RIMBP2: variants seen among roughly 807,000 people sequenced by gnomAD.
RIMBP2 encodes RIMS-binding protein 2.
Under a neutral mutation model 118.6 loss-of-function variants are expected in RIMBP2, and 48 were observed. The ratio of observed to expected loss-of-function variants is 0.40; its 90% CI spans 0.32 to 0.51. RIMBP2 has a LOEUF of 0.51. Among genes scored for constraint, RIMBP2 ranks in the 20% least tolerant of loss-of-function variants. The pLI is 0.41. For missense variants in RIMBP2, 1,551 were observed against 1,768.3 expected (o/e 0.88, Z 2.20); for synonymous variants, 762 against 742.9 (o/e 1.03, Z -0.42).
intron 19 of RIMBP2, among the ~76,000 whole-genome samples, chr12:130,410,175 A>C (rs2075596965): frequency 6.6e-6 from 1 of 152,212 alleles, no homozygotes; most frequent in South Asian, 2.1e-4. Flanking sequence ...TTTGCCACCC[A>C]CATATCGTCT....
At chr12:130,668,024 G>A (rs1255327712) in intron 1 of RIMBP2, 4 of 152,176 alleles carry the variant, frequency 2.6e-5, no homozygotes, top group East Asian at 1.9e-4. Context: ...AGGGGGTTGT[G>A]GGAATTCCTC....
At chr12:130,542,509 C>T (rs2054710729) in intron 2 of RIMBP2, among the ~76,000 whole-genome samples, 2 of 152,300 alleles carry the variant, frequency 1.3e-5, no homozygotes, top group South Asian at 2.1e-4. Context: ...AAAAAAGAAA[C>T]AGCCAATCAA....
intron 1 of RIMBP2, among the ~76,000 whole-genome samples, chr12:130,705,521 C>T (rs527316437): frequency 6.6e-6 from 1 of 152,342 alleles, no homozygotes; most frequent in African/African-American, 2.4e-5. Flanking sequence ...CAGGCCCACA[C>T]AGGAGCCCAC....
intron 1 of RIMBP2, among the ~76,000 whole-genome samples, chr12:130,649,520 C>G (rs1384446067): frequency 1.3e-5 from 2 of 152,222 alleles, no homozygotes; most frequent in Non-Finnish European, 2.9e-5. Flanking sequence ...ATGTGCCCCT[C>G]CGCTGAGAAG....
rs746221984 is a variant in RIMBP2 at position 130,458,772 on chromosome 12, C to T, written c.154-2072G>A. ...TGACCTAACTAAAATAGGCCAGGCACGGTGGCTCACGCCTGCAATCCCAGC... is the reference window on the plus strand; with the variant it reads ...TGACCTAACTAAAATAGGCCAGGCATGGTGGCTCACGCCTGCAATCCCAGC... On this transcript the variant is annotated intron_variant, in intron 6 of 22. Coordinates refer to ENST00000690449, the MANE Select transcript of RIMBP2 (RefSeq NM_001393629.1). Among the ~76,000 whole-genome samples, 17 of 152,250 alleles carry T rather than the reference C, an allele frequency of 1.1e-4. No homozygotes were observed. In the East Asian group the frequency reaches 2.9e-3, roughly 26 times the overall value.
rs112955330 is a variant in RIMBP2 at position 130,445,248 on chromosome 12, C to T, written c.603G>A (p.Pro201=). Residue 201 remains proline (P), a synonymous_variant, in exon 10 of 23, where the codon CCG becomes CCA. Transcript: ENST00000690449. ...GCAGCTCAGCTTCGGGGTTCTCGTT[C>T]GGTCCATCGAAGGGGTTGTAACTGC... The part of the protein sequence containing the change: ...ARYSYNPFDG[P]NENPEAELPL... 41 of 1,613,018 alleles carry T rather than the reference C, an allele frequency of 2.5e-5. No homozygotes were observed. The African/African-American group carries it at 3.2e-4, about 13-fold the overall frequency.
intron 17 of RIMBP2, among the ~76,000 whole-genome samples, chr12:130,418,320 A>C (rs553341092): frequency 3.2e-4 from 48 of 152,306 alleles, no homozygotes; most frequent in African/African-American, 1.1e-3. Flanking sequence ...TTGATAGTCC[A>C]TGAAAAAACC....
intron 2 of RIMBP2, among the ~76,000 whole-genome samples, chr12:130,558,684 G>T (rs977251849): frequency 4.6e-5 from 7 of 152,174 alleles, no homozygotes; most frequent in Non-Finnish European, 2.9e-5. Flanking sequence ...AGGCCAGGCG[G>T]CCCCCTTGAG....
chr12:130,572,600 G>A (rs893108056), intron 2 of RIMBP2, among the ~76,000 whole-genome samples: 2 of 151,990 alleles, frequency 1.3e-5, no homozygotes, highest in Non-Finnish European at 2.9e-5. Flanking sequence ...ATGTGACACC[G>A]ATTTCCACAG....
At chr12:130,516,022 T>C (rs917134334) in intron 3 of RIMBP2, among the ~76,000 whole-genome samples, 1 of 152,172 alleles carries the variant, frequency 6.6e-6, no homozygotes, top group African/African-American at 2.4e-5. Flanking sequence ...TATACCAGGA[T>C]TGGGATTGCT....
intron 21 of RIMBP2, among the ~76,000 whole-genome samples, chr12:130,405,343 G>A (rs886239652): frequency 1.6e-4 from 24 of 152,134 alleles, no homozygotes; most frequent in East Asian, 1.9e-4. Flanking sequence ...ACATGCCTGC[G>A]GCTGTAGCAT....
In RIMBP2 at chr12:130,523,992, C is replaced by T. The variant is rs1466661402; in HGVS notation, c.-216-6075G>A. Among the ~76,000 whole-genome samples, 1 of 152,154 alleles carries T rather than the reference C, an allele frequency of 6.6e-6. No homozygotes were observed. Among genetic ancestry groups the T allele is most frequent in the Non-Finnish European group, 1.5e-5 (1 of 68,032 alleles). ...GGTATCCACGCTACAGGATTCAAAA[C>T]CATGAACATCCAATCTCCTGGCCAC... On this transcript the variant is annotated intron_variant, in intron 2 of 22. Coordinates refer to ENST00000690449, the MANE Select transcript of RIMBP2 (RefSeq NM_001393629.1). This position sits in a 1 kb window ranked among gnomAD's most constrained non-coding sequence, Gnocchi z 4.4.
In RIMBP2 at chr12:130,578,293, C is replaced by T. The variant is rs2058227546; in HGVS notation, c.-217+50029G>A. 6.6e-6 allele frequency among the ~76,000 whole-genome samples: 1 copy of T among 152,230 alleles called. No individual in the cohort carries two copies. On this transcript the variant is annotated intron_variant, in intron 2 of 22. Transcript: ENST00000690449. The surrounding 1 kb of genome is among the most constrained non-coding windows in gnomAD (Gnocchi z 4.1). ...CTACTGGCCTCTGGTCTACCCAATG[C>T]CTTCTGCCCCGTTTCCAGAATCATC...
intron 2 of RIMBP2, among the ~76,000 whole-genome samples, chr12:130,572,961 G>A (rs915110624): frequency 6.6e-6 from 1 of 152,110 alleles, no homozygotes; most frequent in African/African-American, 2.4e-5. Flanking sequence ...TTCCCCCCGG[G>A]GGGACAGAGC....
At chr12:130,417,359 T>C (rs1416265445) in intron 17 of RIMBP2, among the ~76,000 whole-genome samples, 2 of 152,102 alleles carry the variant, frequency 1.3e-5, no homozygotes, top group African/African-American at 2.4e-5. Context: ...CAACAGTGGA[T>C]TGAATAAAGA....
At position 130,646,441 on chromosome 12, in the gene RIMBP2, T is replaced by TCCCTCACCGCCTCCCTC. The variant is rs1566423615; in HGVS notation, c.-351-17986_-351-17985insGAGGGAGGCGGTGAGGG. 1.5e-3 allele frequency among the ~76,000 whole-genome samples: 5 copies of TCCCTCACCGCCTCCCTC among 3,400 alleles called. 2 individuals carry two copies. The highest frequency in any genetic ancestry group is 4.7e-3 in the Non-Finnish European group (5 of 1,062). The allele number at this position is 3,400 out of a possible 152,430, so 2.2% of individuals were successfully genotyped here. Reference sequence around the variant, plus strand: ...TCACCACTTCCCTCTCCACCTCCCTTGCCACCTCCCTCGCCACCTCCCTCG... The same window carrying TCCCTCACCGCCTCCCTC: ...TCACCACTTCCCTCTCCACCTCCCTTCCCTCACCGCCTCCCTCGCCACCTCCCTCGCCACCTCCCTCG... On this transcript the variant is annotated intron_variant, in intron 1 of 22. Coordinates refer to ENST00000690449, the MANE Select transcript of RIMBP2 (RefSeq NM_001393629.1).
intron 1 of RIMBP2, among the ~76,000 whole-genome samples, chr12:130,702,746 G>C (rs113706299): frequency 1.3e-5 from 2 of 152,040 alleles, no homozygotes; most frequent in African/African-American, 2.4e-5. Flanking sequence ...TGAGGACAGA[G>C]GCCCTGGAAT....
intron 6 of RIMBP2, among the ~76,000 whole-genome samples, chr12:130,467,820 T>G (rs780634261): frequency 1.3e-5 from 2 of 152,198 alleles, no homozygotes; most frequent in African/African-American, 4.8e-5. Flanking sequence ...CAGACAGCCT[T>G]GGGCACATGT....
intron 2 of RIMBP2, among the ~76,000 whole-genome samples, chr12:130,580,028 C>CAA (rs55653381): frequency 0.62 from 71,833 of 116,168 alleles, 22,171 homozygotes; most frequent in Non-Finnish European, 0.68. Flanking sequence ...ACCAAAAATA[C>CAA]AAAAAAAAAA....
Sources: allele counts gnomAD v4.1 joint callset (sites outside exome capture counted in the v4.1 genomes callset), GRCh38; gene constraint gnomAD v4.1.1; non-coding constraint Gnocchi (gnomAD v3.1); transcripts MANE v1.5; gene names NCBI Gene and HGNC (gene_info 2026-07-23, HGNC 2026-07-21).